PLCG2: variants seen among roughly 807,000 people sequenced by gnomAD.
PLCG2 encodes phospholipase C gamma 2.
In PLCG2, 69 loss-of-function variants were observed where a neutral mutation model predicts 175.6. The ratio of observed to expected loss-of-function variants is 0.39; its 90% CI spans 0.32 to 0.48. The LOEUF (loss-of-function observed/expected upper bound fraction) is 0.48, where lower values mean the gene tolerates loss of function less well. Among genes scored for constraint, PLCG2 ranks in the 20% least tolerant of loss-of-function variants. The pLI is 0.91. For synonymous variants in PLCG2, 827 were observed against 624.0 expected (o/e 1.33, Z -4.85); for missense variants, 1,798 against 1,650.9 (o/e 1.09, Z -1.54).
chr16:81,830,072 CA>C (rs1295863039), intron 2 of PLCG2, among the ~76,000 whole-genome samples: 2 of 151,940 alleles, frequency 1.3e-5, no homozygotes, highest in Admixed American at 6.6e-5. Context: ...ATAATCTCAG[CA>C]CTTTGGGAGG....
chr16:81,783,709 C>G (rs748154243), intron 1 of PLCG2, among the ~76,000 whole-genome samples: 4 of 152,218 alleles, frequency 2.6e-5, no homozygotes, highest in Non-Finnish European at 5.9e-5. Context: ...CAATAAATGG[C>G]TGCTTAACAA....
Position 81,830,679 on chromosome 16 carries a change from T to TAC in PLCG2, c.194-23759_194-23758dup, listed in dbSNP as rs559961624. Reference sequence around the variant, plus strand: ...GTGTGTGTGTGTGTATATATATATATACACACATATATTTTATATATGTAT... The same window carrying TAC: ...GTGTGTGTGTGTGTATATATATATATACACACACATATATTTTATATATGTAT... On this transcript the variant is annotated intron_variant, in intron 2 of 32. Transcript: ENST00000564138. Among the ~76,000 whole-genome samples the TAC allele has an allele frequency of 2.4e-3, 362 of 150,816 alleles. 2 individuals carry two copies. The highest frequency in any genetic ancestry group is 3.7e-3 in the Non-Finnish European group (251 of 67,662).
At chr16:81,858,810 T>C (rs1273521466) in intron 4 of PLCG2, among the ~76,000 whole-genome samples, 4 of 152,136 alleles carry the variant, frequency 2.6e-5, no homozygotes, top group Non-Finnish European at 5.9e-5. Context: ...TTATTTTCCT[T>C]CCACTAAATC....
intron 9 of PLCG2, among the ~76,000 whole-genome samples, chr16:81,884,511 C>T (rs1332062672): frequency 6.6e-6 from 1 of 152,102 alleles, no homozygotes; most frequent in African/African-American, 2.4e-5. Context: ...AGGTGGTTTA[C>T]CCTTTTTGTG....
intron 2 of PLCG2, among the ~76,000 whole-genome samples, chr16:81,787,411 T>TTTTTTTTTTG (rs1491091914): frequency 7.1e-6 from 1 of 140,858 alleles, no homozygotes; most frequent in African/African-American, 2.6e-5. Flanking sequence ...TTTTTTTTTT[T>TTTTTTTTTTG]GTAGAGATGG....
rs562292421 is a variant in PLCG2 at position 81,923,198 on chromosome 16, C to T, written c.2308-287C>T. On this transcript the variant is annotated intron_variant, in intron 21 of 32. Transcript: ENST00000564138. ...ACCCTAACCCTAAGCCTAACCCTAA[C>T]CCCAGCGCTAAACCCTAGCCCCAAA... Among the ~76,000 whole-genome samples, 255 of 151,662 alleles carry T rather than the reference C, an allele frequency of 1.7e-3. 2 individuals are homozygous for T. The highest frequency in any genetic ancestry group is 5.7e-3 in the African/African-American group (237 of 41,304).
At position 81,936,314 on chromosome 16, in the gene PLCG2, C is replaced by G. The variant is rs1910710513; in HGVS notation, c.2988C>G (p.Asn996Lys). Residue 996 changes from asparagine (N) to lysine (K), a missense_variant, in exon 27 of 33, where the codon AAC becomes AAG. Physicochemically the swap from Asn to Lys is moderately conservative, Grantham distance 94 (BLOSUM62 0). Transcript: ENST00000564138. ...AGGGACAAAGAGTTGACTCTTCAAA[C>G]TACGACCCCTTCCGCCTCTGGCTGT... is the stretch of plus-strand genomic sequence containing the variant. ...YPKGQRVDSSNYDPFRLWLCG... is the reference protein window; with the variant it reads ...YPKGQRVDSSKYDPFRLWLCG... 1 of 1,614,108 alleles carries G rather than the reference C, an allele frequency of 6.2e-7. No individual in the cohort carries two copies. The highest frequency in any genetic ancestry group is 8.5e-7 in the Non-Finnish European group (1 of 1,180,044).
At chr16:81,871,646 A>G (rs4997773) in intron 7 of PLCG2, among the ~76,000 whole-genome samples, 83,123 of 151,908 alleles carry the variant, frequency 0.55, 23,483 homozygotes, top group Middle Eastern at 0.62. Context: ...CCCTTTATAT[A>G]CTTTTATTCA....
chr16:81,848,161 C>A (rs973203990), intron 2 of PLCG2, among the ~76,000 whole-genome samples: 6 of 152,172 alleles, frequency 3.9e-5, no homozygotes, highest in African/African-American at 1.4e-4. Flanking sequence ...ATCAAGAGCG[C>A]AGAAATAGAC....
chr16:81,917,948 C>T (rs978423987), intron 19 of PLCG2, among the ~76,000 whole-genome samples: 3 of 152,144 alleles, frequency 2.0e-5, no homozygotes, highest in African/African-American at 7.2e-5. Context: ...GTATCGAACT[C>T]CTGACCTCAA....
At chr16:81,778,974 G>C (rs1346548093), upstream of PLCG2, among the ~76,000 whole-genome samples, 2 of 152,138 alleles carry the variant, frequency 1.3e-5, no homozygotes, top group Non-Finnish European at 2.9e-5. Flanking sequence ...AGTGTGTTAA[G>C]TATACGGCAA....
rs545283331 is a variant in PLCG2, at chr16:81,868,041, G to T, written c.480-1173G>T. ...CAGCTGAACCTCACTATGTGGCTTC[G>T]AAGAAACACTCATGCAGATTCCTGT... On this transcript the variant is annotated intron_variant, in intron 5 of 32. Coordinates refer to ENST00000564138, the MANE Select transcript of PLCG2 (RefSeq NM_002661.5). Among the ~76,000 whole-genome samples the T allele has an allele frequency of 3.9e-5, 6 of 152,130 alleles. No homozygotes were observed. In the South Asian group the frequency reaches 1.2e-3, roughly 31 times the overall value.
At chr16:81,761,028 C>T (rs937180000) in intron 2 of PLCG2, among the ~76,000 whole-genome samples, 8 of 152,134 alleles carry the variant, frequency 5.3e-5, no homozygotes, top group African/African-American at 1.9e-4. Context: ...TTCTCAGTAG[C>T]TGGGACTATA....
intron 31 of PLCG2, among the ~76,000 whole-genome samples, 185 bp from the exon 32 acceptor site, chr16:81,956,510 C>G (rs375238611): frequency 6.6e-6 from 1 of 152,170 alleles, no homozygotes; most frequent in East Asian, 1.9e-4. Flanking sequence ...GCTTGCTTCC[C>G]ACACAATAAA....
intron 22 of PLCG2, among the ~76,000 whole-genome samples, chr16:81,926,349 C>T (rs1296414335): frequency 6.6e-6 from 1 of 152,142 alleles, no homozygotes; most frequent in Non-Finnish European, 1.5e-5. Context: ...CGGAAAATAG[C>T]TCAAGAGATG....
intron 2 of PLCG2, among the ~76,000 whole-genome samples, chr16:81,828,441 T>C (rs1905133070): frequency 2.0e-5 from 3 of 151,934 alleles, no homozygotes; most frequent in South Asian, 2.1e-4. Flanking sequence ...GGTTTCACCA[T>C]GTTAGCCAGG....
At chr16:81,818,883 A>AGTTTTTTTTT (rs1904669342) in intron 2 of PLCG2, among the ~76,000 whole-genome samples, 1 of 106,642 alleles carries the variant, frequency 9.4e-6, no homozygotes, top group Non-Finnish European at 1.8e-5. Flanking sequence ...GGGCTCATGG[A>AGTTTTTTTTT]TTTTTTTTTT....
intron 2 of PLCG2, among the ~76,000 whole-genome samples, chr16:81,819,648 T>A (rs1173341114): frequency 6.6e-6 from 1 of 152,170 alleles, no homozygotes; most frequent in African/African-American, 2.4e-5. Flanking sequence ...GCGGTGGCGC[T>A]ATCTCGGCTC....
intron 2 of PLCG2, among the ~76,000 whole-genome samples, chr16:81,850,705 C>T (rs545643352): frequency 6.6e-6 from 1 of 152,028 alleles, no homozygotes; most frequent in South Asian, 2.1e-4. Flanking sequence ...CATGTAGAAG[C>T]GGGGAACTTC....
Sources: allele counts gnomAD v4.1 joint callset (sites outside exome capture counted in the v4.1 genomes callset), GRCh38; gene constraint gnomAD v4.1.1; transcripts MANE v1.5; gene names NCBI Gene and HGNC (gene_info 2026-07-23, HGNC 2026-07-21).